The following SLC25A13 variants were observed in gnomAD, a reference collection of about 807,000 sequenced individuals.
SLC25A13 encodes electrogenic aspartate/glutamate antiporter SLC25A13, mitochondrial.
In SLC25A13, 70 loss-of-function variants were observed where a neutral mutation model predicts 85.5. That is an observed-to-expected ratio of 0.82 (90% CI 0.68 to 1.00). The LOEUF is 1.00. Among genes scored for constraint, SLC25A13 ranks in the 50% least tolerant of loss-of-function variants. The pLI is 0.00. For synonymous variants in SLC25A13, 259 were observed against 288.7 expected (o/e 0.90, Z 1.04); for missense variants, 765 against 819.8 (o/e 0.93, Z 0.82).
At chr7:96,131,197 A>G (rs1306809152) in intron 15 of SLC25A13, among the ~76,000 whole-genome samples, 1 of 152,192 alleles carries the variant, frequency 6.6e-6, no homozygotes, top group African/African-American at 2.4e-5. Flanking sequence ...GATGTTTTCA[A>G]TGGAGCACTG....
At chr7:96,144,695 G>A (rs1792706519) in intron 14 of SLC25A13, among the ~76,000 whole-genome samples, 1 of 152,150 alleles carries the variant, frequency 6.6e-6, no homozygotes, top group Admixed American at 6.5e-5. Context: ...CTATTCACCT[G>A]AACTACAAAA....
At chr7:96,295,687 C>A (rs1259895404) in intron 2 of SLC25A13, among the ~76,000 whole-genome samples, 1 of 152,062 alleles carries the variant, frequency 6.6e-6, no homozygotes, top group Non-Finnish European at 1.5e-5. Flanking sequence ...AATAGTAACA[C>A]ATTGTGATGA....
chr7:96,312,261 C>CT (rs1477128769), intron 1 of SLC25A13, among the ~76,000 whole-genome samples: 7 of 152,126 alleles, frequency 4.6e-5, no homozygotes, highest in African/African-American at 1.7e-4. Context: ...CTTAACTACT[C>CT]TGTACAAATG....
At chr7:96,297,821 T>C (rs908633499) in intron 1 of SLC25A13, among the ~76,000 whole-genome samples, 3 of 152,240 alleles carry the variant, frequency 2.0e-5, no homozygotes, top group African/African-American at 7.2e-5. Context: ...GATATTATTC[T>C]ACATATTTTA....
intron 3 of SLC25A13, among the ~76,000 whole-genome samples, chr7:96,242,195 A>G (rs1480391702): frequency 1.3e-5 from 2 of 152,178 alleles, no homozygotes; most frequent in African/African-American, 4.8e-5. Flanking sequence ...ATGAAAGTAA[A>G]ATCTAACTCC....
At chr7:96,309,522 A>G (rs1799877443) in intron 1 of SLC25A13, 1 of 152,222 alleles carries the variant, frequency 6.6e-6, no homozygotes, top group Non-Finnish European at 1.5e-5. Flanking sequence ...AAAAAGGTTT[A>G]CAACAAACCA....
intron 2 of SLC25A13, among the ~76,000 whole-genome samples, chr7:96,296,482 C>CT (rs779094783): frequency 0.014 from 1,980 of 145,228 alleles, 40 homozygotes; most frequent in African/African-American, 0.046. Flanking sequence ...TTGGGATTTT[C>CT]TTTTTTTTTT....
chr7:96,142,641 A>G (rs562339562), intron 14 of SLC25A13, among the ~76,000 whole-genome samples: 36 of 152,334 alleles, frequency 2.4e-4, no homozygotes, highest in African/African-American at 7.9e-4. Context: ...AGGATATATT[A>G]ATATAAAATC....
chr7:96,284,470 CTA>C (rs1446737917), intron 2 of SLC25A13, among the ~76,000 whole-genome samples: 1 of 152,184 alleles, frequency 6.6e-6, no homozygotes, highest in Non-Finnish European at 1.5e-5. Flanking sequence ...GTGTAATTCA[CTA>C]TGTTACTCTG....
At chr7:96,202,214 C>A (rs1795283925) in intron 5 of SLC25A13, among the ~76,000 whole-genome samples, 1 of 152,156 alleles carries the variant, frequency 6.6e-6, no homozygotes, top group Admixed American at 6.5e-5. Flanking sequence ...GGACAAGGAT[C>A]CTTACTAATA....
intron 13 of SLC25A13, among the ~76,000 whole-genome samples, chr7:96,168,117 A>AAAAAAAAAAAAAAAAAAAAAAAAC: frequency 6.9e-6 from 1 of 145,214 alleles, no homozygotes; most frequent in Non-Finnish European, 1.5e-5. Flanking sequence ...AAAAAAAAAA[A>AAAAAAAAAAAAAAAAAAAAAAAAC]AAAAAAAAAA....
intron 14 of SLC25A13, among the ~76,000 whole-genome samples, chr7:96,138,155 A>G (rs1036024019): frequency 5.9e-5 from 9 of 152,122 alleles, no homozygotes; most frequent in Non-Finnish European, 1.3e-4. Context: ...TCTAGGTTGA[A>G]AAGTTTTTTT....
At chr7:96,217,576 C>T (rs1411305671) in intron 4 of SLC25A13, among the ~76,000 whole-genome samples, 2 of 152,076 alleles carry the variant, frequency 1.3e-5, no homozygotes, top group South Asian at 2.1e-4. Flanking sequence ...AACATATGTG[C>T]TACATCATGG....
At chr7:96,162,494 T>G (rs1793547257) in intron 13 of SLC25A13, among the ~76,000 whole-genome samples, 1 of 151,930 alleles carries the variant, frequency 6.6e-6, no homozygotes, top group Non-Finnish European at 1.5e-5. Context: ...GCGCCATGAC[T>G]CAAGGCTGCC....
At chr7:96,164,719 C>CACACACACACACAT in intron 13 of SLC25A13, among the ~76,000 whole-genome samples, 1 of 151,366 alleles carries the variant, frequency 6.6e-6, no homozygotes, top group East Asian at 1.9e-4. Context: ...TTTACACACA[C>CACACACACACACAT]ACACACACAC....
chr7:96,216,963 AG>A (rs1475368544), intron 4 of SLC25A13, among the ~76,000 whole-genome samples: 3 of 152,228 alleles, frequency 2.0e-5, no homozygotes, highest in Non-Finnish European at 4.4e-5. Context: ...ATAGACTAGG[AG>A]AAAAACTTTG....
At chr7:96,231,219 C>T (rs888804608) in intron 4 of SLC25A13, among the ~76,000 whole-genome samples, 1 of 152,058 alleles carries the variant, frequency 6.6e-6, no homozygotes, top group African/African-American at 2.4e-5. Flanking sequence ...GACAAAGACA[C>T]CAAAAGCAAT....
At chr7:96,267,240 C>T (rs868224778) in intron 3 of SLC25A13, among the ~76,000 whole-genome samples, 81 of 152,224 alleles carry the variant, frequency 5.3e-4, no homozygotes, top group African/African-American at 9.6e-4. Context: ...GATTTCATCA[C>T]GACAGCCTCA....
chr7:96,298,664 C>T (rs1047397897), intron 1 of SLC25A13, among the ~76,000 whole-genome samples: 6 of 152,110 alleles, frequency 3.9e-5, no homozygotes, highest in Non-Finnish European at 8.8e-5. Flanking sequence ...AACTCGTGAC[C>T]TTAGGTGATC....
Sources: gnomAD v4.1 joint callset for allele counts (sites outside exome capture counted in the v4.1 genomes callset) on GRCh38, gnomAD v4.1.1 for gene constraint, MANE v1.5 for transcripts, NCBI Gene and HGNC (gene_info 2026-07-23, HGNC 2026-07-21) for gene names.